FBXL18: variants seen among roughly 807,000 people sequenced by gnomAD.
FBXL18 encodes the protein F-box and leucine rich repeat protein 18.
In FBXL18, 36 loss-of-function variants were observed where a neutral mutation model predicts 46.0. That is an observed-to-expected ratio of 0.78 (90% CI 0.60 to 1.03). FBXL18 has a LOEUF of 1.03. Ranked by LOEUF, FBXL18 falls within the 50% of genes least tolerant of loss-of-function variation. The probability of loss-of-function intolerance (pLI) is 0.00; values close to 1 mark genes in which losing one functional copy is unlikely to be tolerated. For missense variants in FBXL18, 977 were observed against 1,004.1 expected (o/e 0.97, Z 0.36); for synonymous variants, 557 against 465.3 (o/e 1.20, Z -2.54).
chr7:5,457,430 A>G (rs907421389), intron 4 of FBXL18, among the ~76,000 whole-genome samples: 2 of 152,108 alleles, frequency 1.3e-5, no homozygotes, highest in African/African-American at 4.8e-5. Context: ...CTACCCTACC[A>G]CTGCACATTT....
intron 3 of FBXL18, among the ~76,000 whole-genome samples, chr7:5,498,905 T>C (rs1285314013): frequency 2.6e-5 from 4 of 152,232 alleles, no homozygotes; most frequent in African/African-American, 9.6e-5. Context: ...ATCAGATTTA[T>C]TGGCCAAGAT....
intron 4 of FBXL18, among the ~76,000 whole-genome samples, chr7:5,461,168 GCAGCTCAGGGATAGGT>G (rs943931856): frequency 1.3e-5 from 2 of 152,238 alleles, no homozygotes; most frequent in African/African-American, 4.8e-5. Flanking sequence ...GCCCAGCTCA[GCAGCTCAGGGATAGGT>G]CAGGGAATAA....
chr7:5,492,379 T>G lies in FBXL18; in HGVS notation c.1782-930A>C, dbSNP rs914327835. Among the ~76,000 whole-genome samples the G allele has an allele frequency of 2.0e-5, 3 of 148,502 alleles. No individual in the cohort carries two copies. The Admixed American group carries it at 2.0e-4, about 10-fold the overall frequency. On this transcript the variant is annotated intron_variant, in intron 3 of 4. Transcript: ENST00000382368. Reference sequence around the variant, plus strand: ...ACCTGGACTGTGGCAGGTTGTGGGGTGCAGCGAGCCCCTGAGATAAGAATC... The same window carrying G: ...ACCTGGACTGTGGCAGGTTGTGGGGGGCAGCGAGCCCCTGAGATAAGAATC...
chr7:5,471,208 G>A (rs892103650), downstream of FBXL18, among the ~76,000 whole-genome samples: 2 of 152,166 alleles, frequency 1.3e-5, no homozygotes, highest in Non-Finnish European at 2.9e-5. Context: ...GCTCCTGGGG[G>A]CAGCCAAAGC....
rs1219676456 is a variant in FBXL18 at position 5,481,677 on chromosome 7, AG to A, written c.*97del. 3 of 1,334,226 alleles carry A rather than the reference AG, an allele frequency of 2.2e-6. No homozygotes were observed. In the East Asian group the frequency reaches 6.9e-5, roughly 31 times the overall value. The allele number at this position is 1,334,226 out of a possible 1,614,324, so 82.6% of individuals were successfully genotyped here. A position where few individuals can be genotyped will look rare whatever the true frequency, so the allele number is the denominator to read the frequency against. On this transcript the variant is annotated 3_prime_UTR_variant, in exon 5 of 5. Coordinates refer to ENST00000382368, the MANE Select transcript of FBXL18 (RefSeq NM_024963.6). Reference sequence around the variant, plus strand: ...GGTGGGGCGTGGCTGGCCGGGAGAGAGGCCCCCTTCCTCTTGTGACAAACCA... The same window carrying A: ...GGTGGGGCGTGGCTGGCCGGGAGAGAGCCCCCTTCCTCTTGTGACAAACCA...
rs1425534914 is a variant in FBXL18, at chr7:5,500,902, A to C, written c.1367T>G (p.Val456Gly). The C allele has an allele frequency of 3.2e-6, 5 of 1,577,224 alleles. No individual in the cohort carries two copies. The highest frequency in any genetic ancestry group is 4.3e-6 in the Non-Finnish European group (5 of 1,161,392). Residue 456 changes from valine to glycine, a missense_variant, in exon 3 of 5, where the codon GTG (valine) becomes GGG (glycine). Physicochemically the swap from Val to Gly is moderately radical, Grantham distance 109 (BLOSUM62 -3). Coordinates refer to ENST00000382368, the MANE Select transcript of FBXL18 (RefSeq NM_024963.6). ...CGAGAAGGGGCTGGGACAGGACTGC[A>C]CGCCCACACGCACTTTCTTGCCAAA... is the stretch of plus-strand genomic sequence containing the variant. ...RGFGKKVRVG[V>G]QSCPSPFSGQ... is the part of the protein sequence containing the mutation.
intron 4 of FBXL18, among the ~76,000 whole-genome samples, chr7:5,486,251 C>CA (rs1160606876): frequency 0.029 from 2,076 of 71,762 alleles, 64 homozygotes; most frequent in East Asian, 0.058. Flanking sequence ...AACTCCATCT[C>CA]AAAAAAAAAA....
downstream of FBXL18, among the ~76,000 whole-genome samples, chr7:5,475,515 G>A (rs1360483744): frequency 6.6e-6 from 1 of 152,108 alleles, no homozygotes; most frequent in Non-Finnish European, 1.5e-5. The surrounding 1 kb of genome is among the most constrained non-coding windows in gnomAD (Gnocchi z 4.2). Flanking sequence ...ACTGCTCCCT[G>A]CCAGGCCCAT....
At chr7:5,494,755 G>C (rs1388048666) in intron 3 of FBXL18, among the ~76,000 whole-genome samples, 2 of 152,218 alleles carry the variant, frequency 1.3e-5, no homozygotes, top group African/African-American at 4.8e-5. Context: ...AGATGGAAAC[G>C]GGGCGTTGGG....
intron 2 of FBXL18, among the ~76,000 whole-genome samples, chr7:5,502,270 C>G (rs191422149): frequency 6.6e-6 from 1 of 152,338 alleles, no homozygotes; most frequent in East Asian, 1.9e-4. Context: ...CACGGTGGCT[C>G]ATGCCTGTCA....
At chr7:5,495,270 C>T (rs1449658373) in intron 3 of FBXL18, among the ~76,000 whole-genome samples, 1 of 152,174 alleles carries the variant, frequency 6.6e-6, no homozygotes, top group Non-Finnish European at 1.5e-5. Flanking sequence ...ACCCACTGCA[C>T]GGGCCGTGAG....
chr7:5,481,957 G>A (rs766914673), intron 4 of FBXL18, 26 bp from the exon 5 acceptor site: 11 of 1,578,284 alleles, frequency 7.0e-6, no homozygotes, highest in Middle Eastern at 1.8e-4. Flanking sequence ...GCGGTCAGCG[G>A]ATTACATGGG....
At chr7:5,492,665 C>G (rs976858055) in intron 3 of FBXL18, among the ~76,000 whole-genome samples, 1 of 152,036 alleles carries the variant, frequency 6.6e-6, no homozygotes, top group African/African-American at 2.4e-5. Context: ...ATGATGGGGA[C>G]TCTAAATCTA....
intron 3 of FBXL18, among the ~76,000 whole-genome samples, chr7:5,497,046 A>C (rs1246537560): frequency 6.6e-6 from 1 of 150,594 alleles, no homozygotes; most frequent in Admixed American, 6.6e-5. Flanking sequence ...AAAAAAAAAA[A>C]AAAAACTAGC....
intron 4 of FBXL18, among the ~76,000 whole-genome samples, chr7:5,469,952 G>A (rs937867567): frequency 6.6e-6 from 1 of 152,132 alleles, no homozygotes; most frequent in Non-Finnish European, 1.5e-5. Context: ...ACGTCCGTGT[G>A]TGAATGTCAG....
intron 1 of FBXL18, among the ~76,000 whole-genome samples, chr7:5,507,072 C>T (rs765180216): frequency 6.6e-6 from 1 of 152,166 alleles, no homozygotes; most frequent in Non-Finnish European, 1.5e-5. Flanking sequence ...GTAAAGACCA[C>T]GCCGAGGAGA....
At chr7:5,509,002 C>T (rs780851172) in intron 1 of FBXL18, among the ~76,000 whole-genome samples, 2 of 151,752 alleles carry the variant, frequency 1.3e-5, no homozygotes, top group African/African-American at 2.4e-5. Context: ...AGACAGGCCT[C>T]GGCAACATGA....
At chr7:5,457,682 G>A (rs749725695) in intron 4 of FBXL18, among the ~76,000 whole-genome samples, 1 of 152,244 alleles carries the variant, frequency 6.6e-6, no homozygotes, top group Non-Finnish European at 1.5e-5. Context: ...CTTGGGAAAT[G>A]CAGCTTTTAG....
At position 5,500,971 on chromosome 7, in the gene FBXL18, TCGGCGCGCGGC is replaced by T; in HGVS notation, c.1287_1297del (p.Asp433ArgfsTer265). 1 of 1,538,156 alleles carries T rather than the reference TCGGCGCGCGGC, an allele frequency of 6.5e-7. No individual in the cohort carries two copies. Among genetic ancestry groups the T allele is most frequent in the Non-Finnish European group, 8.7e-7 (1 of 1,149,036 alleles). ...CATGGCCGGCTGGGCGGGCGCGCGG[TCGGCGCGCGGC>T]GCGGAGTCAGCGACAGAGCAGACAG... On this transcript the variant is annotated frameshift_variant, in exon 3 of 5. Transcript: ENST00000382368. LOFTEE classifies it high-confidence loss of function.
Sources: allele counts gnomAD v4.1 joint callset (sites outside exome capture counted in the v4.1 genomes callset), GRCh38; gene constraint gnomAD v4.1.1; non-coding constraint Gnocchi (gnomAD v3.1); transcripts MANE v1.5; gene names NCBI Gene and HGNC (gene_info 2026-07-23, HGNC 2026-07-21).